Variants in PTPRN2 observed in about 807,000 individuals in gnomAD.
PTPRN2 encodes receptor-type tyrosine-protein phosphatase N2.
A neutral mutation model predicts 118.8 loss-of-function variants in PTPRN2; 74 were observed. The observed-to-expected ratio is 0.62, with a 90% confidence interval of 0.52 to 0.76. PTPRN2 has a LOEUF of 0.76. Among genes scored for constraint, PTPRN2 ranks in the 30% least tolerant of loss-of-function variants. The pLI, the probability that PTPRN2 is intolerant of heterozygous loss-of-function variation, is 0.00. For synonymous variants in PTPRN2, 641 were observed against 608.0 expected (o/e 1.05, Z -0.80); for missense variants, 1,481 against 1,394.4 (o/e 1.06, Z -0.99).
At chr7:157,902,488 C>T (rs1417209989) in intron 11 of PTPRN2, among the ~76,000 whole-genome samples, 8 of 129,100 alleles carry the variant, frequency 6.2e-5, no homozygotes, top group Non-Finnish European at 8.2e-5. Flanking sequence ...TCAACCTCAC[C>T]GTGGCCTCAA....
chr7:158,294,705 C>T (rs898201022), intron 3 of PTPRN2, among the ~76,000 whole-genome samples: 2 of 152,186 alleles, frequency 1.3e-5, no homozygotes, highest in African/African-American at 4.8e-5. Flanking sequence ...CATCCAGCCA[C>T]AAGGAGACCT....
At chr7:157,905,039 T>C (rs184630984) in intron 11 of PTPRN2, among the ~76,000 whole-genome samples, 1 of 152,300 alleles carries the variant, frequency 6.6e-6, no homozygotes, top group East Asian at 1.9e-4. Flanking sequence ...GATTCCCTTT[T>C]CCACACTGTT....
rs115849933 is a variant in PTPRN2 at position 157,994,581 on chromosome 7, T to G, written c.1723+86717A>C. ...ACCGCGTCCCCAGCTTACAACTCCT[T>G]GTTCCTAAATCAATGCCGCGTCCCC... On this transcript the variant is annotated intron_variant, in intron 11 of 22. Transcript: ENST00000389418. Among the ~76,000 whole-genome samples the G allele has an allele frequency of 9.9e-3, 1,382 of 140,266 alleles. 21 individuals are homozygous for G. Among genetic ancestry groups the G allele is most frequent in the Non-Finnish European group, 0.014 (894 of 65,808 alleles). 92.0% of individuals were successfully genotyped at this position (140,266 alleles called of 152,430 possible).
rs1823116779 is a variant in PTPRN2, at chr7:158,167,256, A to G, written c.585T>C (p.Tyr195=). 1 of 1,610,150 alleles carries G rather than the reference A, an allele frequency of 6.2e-7. No individual in the cohort carries two copies. Among genetic ancestry groups the G allele is most frequent in the Non-Finnish European group, 8.5e-7 (1 of 1,178,178 alleles). ...AGGTCAGCGCAGACGTGTGGGCCAC[A>G]TAGGTCAGGATGCTCTCGGAGAAGC... ...DDRFSESILT[Y]VAHTSALTYP... Residue 195 remains tyrosine, a synonymous_variant, in exon 6 of 23, where the codon TAT becomes TAC. Coordinates refer to ENST00000389418, the MANE Select transcript of PTPRN2 (RefSeq NM_002847.5).
chr7:158,221,610 T>A (rs1036723413), intron 3 of PTPRN2, among the ~76,000 whole-genome samples: 2 of 151,416 alleles, frequency 1.3e-5, no homozygotes, highest in African/African-American at 4.9e-5. Context: ...ACGTCTTACA[T>A]GGCAGCAGGC....
At chr7:157,786,073 C>T (rs367659513) in intron 12 of PTPRN2, among the ~76,000 whole-genome samples, 36 of 152,286 alleles carry the variant, frequency 2.4e-4, no homozygotes, top group African/African-American at 8.2e-4. Context: ...GCGTTAGCCG[C>T]ACTCCGAGTG....
At chr7:158,151,100 G>A (rs111359155) in intron 6 of PTPRN2, among the ~76,000 whole-genome samples, 38,858 of 52,482 alleles carry the variant, frequency 0.74, 15,102 homozygotes, top group East Asian at 0.84. Context: ...CAAACCGCCC[G>A]CCTTTCTGCT....
intron 10 of PTPRN2, among the ~76,000 whole-genome samples, chr7:158,083,045 C>T (rs372675777): frequency 1.3e-5 from 2 of 152,312 alleles, no homozygotes; most frequent in South Asian, 2.1e-4. Flanking sequence ...AGTTCTACCC[C>T]CTCTCAAAGC....
At chr7:157,907,153 G>A (rs1192832253) in intron 11 of PTPRN2, among the ~76,000 whole-genome samples, 1 of 152,234 alleles carries the variant, frequency 6.6e-6, no homozygotes, top group East Asian at 1.9e-4. Context: ...CAAGGTGGGT[G>A]TGGTGGCATC....
intron 12 of PTPRN2, among the ~76,000 whole-genome samples, chr7:157,788,830 T>C (rs1804249032): frequency 6.6e-6 from 1 of 151,918 alleles, no homozygotes; most frequent in African/African-American, 2.4e-5. Flanking sequence ...CCGGCCCACT[T>C]CTCTGCCATG....
chr7:157,855,191 T>C (rs1420512289), intron 12 of PTPRN2, among the ~76,000 whole-genome samples: 1 of 149,168 alleles, frequency 6.7e-6, no homozygotes, highest in South Asian at 2.2e-4. Context: ...TGCAGGGGTG[T>C]GTGTGGGGCC....
intron 15 of PTPRN2, among the ~76,000 whole-genome samples, chr7:157,612,396 G>A (rs1283172395): frequency 6.6e-6 from 1 of 152,224 alleles, no homozygotes; most frequent in African/African-American, 2.4e-5. Flanking sequence ...GCGCAGATGA[G>A]TGTGGCGGCG....
intron 1 of PTPRN2, among the ~76,000 whole-genome samples, chr7:158,530,180 A>G (rs1048719817): frequency 1.3e-5 from 2 of 152,238 alleles, no homozygotes; most frequent in African/African-American, 4.8e-5. Flanking sequence ...TGGCTAGTCC[A>G]TCAAAGCCTG....
rs1293624601 is a variant in PTPRN2 at position 157,674,750 on chromosome 7, C to T, written c.2001+7975G>A. Among the ~76,000 whole-genome samples, 3 of 152,254 alleles carry T rather than the reference C, an allele frequency of 2.0e-5. No individual in the cohort carries two copies. In the East Asian group the frequency reaches 5.8e-4, roughly 29 times the overall value. ...CCCGCGCAGGTACCTCTGTACACGC[C>T]TGTGGAGTCCCACCCTGTCGTGTGC... On this transcript the variant is annotated intron_variant, in intron 13 of 22. Transcript: ENST00000389418. This position sits in a 1 kb window ranked among gnomAD's most constrained non-coding sequence, Gnocchi z 4.5.
intron 2 of PTPRN2, among the ~76,000 whole-genome samples, chr7:158,419,177 G>A (rs1815042201): frequency 6.6e-6 from 1 of 152,212 alleles, no homozygotes; most frequent in South Asian, 2.1e-4. Context: ...CTTGAGGCAG[G>A]GTTCTGGAGC....
intron 11 of PTPRN2, among the ~76,000 whole-genome samples, chr7:158,071,767 T>TGGTG (rs1563393402): frequency 9.3e-5 from 12 of 128,710 alleles, no homozygotes; most frequent in African/African-American, 2.7e-4. Flanking sequence ...GTGCTCGTGG[T>TGGTG]GATGGAGGTG....
At chr7:157,882,978 C>A (rs189909261) in intron 12 of PTPRN2, among the ~76,000 whole-genome samples, 54 of 150,606 alleles carry the variant, frequency 3.6e-4, no homozygotes, top group African/African-American at 1.2e-3. Context: ...TGTTGGAGAA[C>A]AGAACATGCC....
At chr7:158,318,292 G>A (rs1254677147) in intron 2 of PTPRN2, among the ~76,000 whole-genome samples, 1 of 152,218 alleles carries the variant, frequency 6.6e-6, no homozygotes, top group East Asian at 1.9e-4. Flanking sequence ...GGGGCAAAGA[G>A]GGAAAATAAG....
chr7:157,728,642 T>C (rs1799727989), intron 12 of PTPRN2, among the ~76,000 whole-genome samples: 1 of 152,250 alleles, frequency 6.6e-6, no homozygotes, highest in Admixed American at 6.5e-5. Flanking sequence ...GCTCAGATTT[T>C]AAATTGGGGC....
Sources: allele counts gnomAD v4.1 joint callset (sites outside exome capture counted in the v4.1 genomes callset), GRCh38; gene constraint gnomAD v4.1.1; non-coding constraint Gnocchi (gnomAD v3.1); transcripts MANE v1.5; gene names NCBI Gene and HGNC (gene_info 2026-07-23, HGNC 2026-07-21).